SPRR2G: variants seen among roughly 807,000 people sequenced by gnomAD.
SPRR2G encodes small proline-rich protein 2G.
SPRR2G carries 1 observed loss-of-function variant against 0.7 expected under a neutral mutation model. That is an observed-to-expected ratio of 1.49 (90% CI 0.53 to 7.06). The LOEUF (loss-of-function observed/expected upper bound fraction) is 7.06, where lower values mean the gene tolerates loss of function less well. Among genes scored for constraint, SPRR2G ranks in the 30% most tolerant of loss-of-function variants. The pLI is 0.14. For missense variants in SPRR2G, 96 were observed against 88.5 expected (o/e 1.09, Z -0.34); for synonymous variants, 38 against 33.9 (o/e 1.12, Z -0.42).
chr1:153,163,197 C>T, the SPRR2G span, among the ~76,000 whole-genome samples: 5 of 152,044 alleles, frequency 3.3e-5, no homozygotes, highest in African/African-American at 4.8e-5. Context: ...AAGTGGCACT[C>T]GAAAAGAAGC....
Position 153,149,827 on chromosome 1 carries a change from C to CATG in SPRR2G, c.*61_*62insCAT. Reference sequence around the variant, plus strand: ...ACAGCTGAAGGGAAGATGATGGAGTCCTGGGAGTAAGAAGAGCCACTGGAT... The same window carrying CATG: ...ACAGCTGAAGGGAAGATGATGGAGTCATGCTGGGAGTAAGAAGAGCCACTGGAT... On this transcript the variant is annotated 3_prime_UTR_variant, in exon 2 of 2. Transcript: ENST00000368748. The CATG allele has an allele frequency of 1.3e-6, 2 of 1,591,554 alleles. No individual in the cohort carries two copies. Among genetic ancestry groups the CATG allele is most frequent in the Non-Finnish European group, 1.7e-6 (2 of 1,160,962 alleles).
At chr1:153,193,426 C>T in the SPRR2G span, among the ~76,000 whole-genome samples, 1 of 152,130 alleles carries the variant, frequency 6.6e-6, no homozygotes, top group African/African-American at 2.4e-5. Flanking sequence ...CCTATGCTGC[C>T]CTCAAACATG....
the SPRR2G span, among the ~76,000 whole-genome samples, chr1:153,169,439 A>C: frequency 6.6e-6 from 1 of 151,896 alleles, no homozygotes; most frequent in Admixed American, 6.6e-5. Context: ...GGTGGTGCAC[A>C]CCTGTAGTCC....
At chr1:153,173,533 G>T in the SPRR2G span, among the ~76,000 whole-genome samples, 4 of 152,246 alleles carry the variant, frequency 2.6e-5, no homozygotes, top group Non-Finnish European at 4.4e-5. Flanking sequence ...ACCTCCTGAT[G>T]GTCTTTCAGC....
chr1:153,167,089 TATGAG>T, the SPRR2G span, among the ~76,000 whole-genome samples: 3 of 152,144 alleles, frequency 2.0e-5, no homozygotes, highest in Admixed American at 6.5e-5. Flanking sequence ...TCAAAATATA[TATGAG>T]ATATTTGGAT....
chr1:153,191,355 G>A, the SPRR2G span: 2 of 152,122 alleles, frequency 1.3e-5, no homozygotes, highest in Non-Finnish European at 2.9e-5. Context: ...CAGTCTGTTG[G>A]GGATGGACCC....
At chr1:153,156,155 T>C in the SPRR2G span, among the ~76,000 whole-genome samples, 1 of 152,214 alleles carries the variant, frequency 6.6e-6, no homozygotes, top group Non-Finnish European at 1.5e-5. Flanking sequence ...AACAATCTTG[T>C]GAGTTCTGAG....
the SPRR2G span, among the ~76,000 whole-genome samples, chr1:153,196,324 C>T: frequency 6.6e-6 from 1 of 152,162 alleles, no homozygotes; most frequent in South Asian, 2.1e-4. Context: ...ATTTGTCTTT[C>T]TGTATTTGAC....
chr1:153,200,948 C>T, the SPRR2G span, among the ~76,000 whole-genome samples: 5 of 152,248 alleles, frequency 3.3e-5, no homozygotes, highest in East Asian at 3.9e-4. Context: ...CCTCGTGATC[C>T]GCCCACCTCA....
upstream of SPRR2G, among the ~76,000 whole-genome samples, chr1:153,151,098 G>T (rs1656458501): frequency 6.6e-6 from 1 of 152,216 alleles, no homozygotes; most frequent in African/African-American, 2.4e-5. Context: ...GGTTCCTCAT[G>T]CCAGTGGCAA....
chr1:153,197,288 C>G, the SPRR2G span, among the ~76,000 whole-genome samples: 5 of 151,996 alleles, frequency 3.3e-5, no homozygotes, highest in Non-Finnish European at 7.4e-5. Context: ...GAGCCTGGAT[C>G]AGATGGCGGC....
the SPRR2G span, among the ~76,000 whole-genome samples, chr1:153,194,540 C>T: frequency 2.0e-5 from 3 of 152,192 alleles, no homozygotes; most frequent in African/African-American, 7.2e-5. Context: ...CTTTTGGGAG[C>T]ATGTCTTCAT....
At chr1:153,175,117 A>C in the SPRR2G span, among the ~76,000 whole-genome samples, 9 of 152,114 alleles carry the variant, frequency 5.9e-5, no homozygotes. Flanking sequence ...TATCTCCTCT[A>C]TATCTTCCAT....
the SPRR2G span, among the ~76,000 whole-genome samples, chr1:153,160,852 C>T: frequency 0.47 from 70,933 of 149,640 alleles, 18,029 homozygotes; most frequent in Non-Finnish European, 0.57. Context: ...AAATGTCCAA[C>T]AATGATAGAC....
At chr1:153,179,190 A>G in the SPRR2G span, among the ~76,000 whole-genome samples, 1 of 152,144 alleles carries the variant, frequency 6.6e-6, no homozygotes, top group Admixed American at 6.6e-5. Context: ...AAGCCTTTCA[A>G]CTGATTGAAT....
chr1:153,193,463 C>T, the SPRR2G span, among the ~76,000 whole-genome samples: 856 of 152,336 alleles, frequency 5.6e-3, 13 homozygotes, highest in African/African-American at 0.019. Context: ...CACACGCACA[C>T]ACATGCACAC....
chr1:153,150,394 A>G (rs1157526897), intron 1 of SPRR2G, among the ~76,000 whole-genome samples: 1 of 152,236 alleles, frequency 6.6e-6, no homozygotes, highest in Non-Finnish European at 1.5e-5. Flanking sequence ...GAATACAAAC[A>G]CTATCTGAAG....
At chr1:153,165,980 C>T in the SPRR2G span, among the ~76,000 whole-genome samples, 2 of 152,230 alleles carry the variant, frequency 1.3e-5, no homozygotes, top group South Asian at 2.1e-4. Context: ...AACCTCTGAC[C>T]GTAAACTCCA....
the SPRR2G span, among the ~76,000 whole-genome samples, chr1:153,188,963 C>T: frequency 6.6e-6 from 1 of 152,194 alleles, no homozygotes. Flanking sequence ...TGCTTCTGCT[C>T]ACCCTCCATG....
Sources: allele counts gnomAD v4.1 joint callset (sites outside exome capture counted in the v4.1 genomes callset), GRCh38; gene constraint gnomAD v4.1.1; transcripts MANE v1.5; gene names NCBI Gene and HGNC (gene_info 2026-07-23, HGNC 2026-07-21).